TMEM44: variants seen among roughly 807,000 people sequenced by gnomAD.
TMEM44 encodes the protein transmembrane protein 44.
TMEM44 carries 43 observed loss-of-function variants against 47.8 expected under a neutral mutation model. The observed-to-expected ratio is 0.90, with a 90% CI of 0.70 to 1.16. TMEM44 has a LOEUF of 1.16. Ranked by LOEUF, TMEM44 falls within the 50% of genes most tolerant of loss-of-function variation. The pLI, the probability that TMEM44 is intolerant of heterozygous loss-of-function variation, is 0.00. For synonymous variants in TMEM44, 277 were observed against 238.8 expected (o/e 1.16, Z -1.48); for missense variants, 568 against 555.2 (o/e 1.02, Z -0.23).
chr3:194,630,807 G>A (rs1034620363), intron 1 of TMEM44, among the ~76,000 whole-genome samples: 2 of 147,642 alleles, frequency 1.4e-5, no homozygotes. Context: ...CTCCTGGAGG[G>A]GCTGGCTGTT....
chr3:194,629,748 TCGGCG>T (rs1560205064), intron 1 of TMEM44, among the ~76,000 whole-genome samples: 2 of 82,446 alleles, frequency 2.4e-5, no homozygotes, highest in Non-Finnish European at 4.6e-5. Flanking sequence ...GCTGTTTCCA[TCGGCG>T]TCACTGATAG....
chr3:194,594,623 GAA>G (rs564946122), intron 9 of TMEM44, among the ~76,000 whole-genome samples: 1 of 130,730 alleles, frequency 7.6e-6, no homozygotes. Context: ...AACATAAACT[GAA>G]AAAAAAAAAA....
intron 3 of TMEM44, 28 bp downstream of exon 3, chr3:194,625,869 A>C: frequency 6.3e-7 from 1 of 1,575,602 alleles, no homozygotes; most frequent in African/African-American, 1.3e-5. Context: ...GGGTGAATAA[A>C]GACAGGAAAA....
At chr3:194,589,507 G>A (rs943920254) in intron 9 of TMEM44, 11 of 152,160 alleles carry the variant, frequency 7.2e-5, no homozygotes, top group South Asian at 6.2e-4. Flanking sequence ...CAGAGCAAAC[G>A]TTCGCTCCTG....
chr3:194,592,011 G>A (rs908878969), intron 9 of TMEM44, among the ~76,000 whole-genome samples: 3 of 152,108 alleles, frequency 2.0e-5, no homozygotes, highest in South Asian at 4.1e-4. Context: ...GAGGTCAGGA[G>A]ATCGAGACCA....
chr3:194,629,261 A>G (rs757341169), intron 1 of TMEM44, among the ~76,000 whole-genome samples: 5 of 152,236 alleles, frequency 3.3e-5, no homozygotes, highest in African/African-American at 7.2e-5. Flanking sequence ...AATAAATTCA[A>G]ACGAAATTCT....
At chr3:194,630,066 A>T (rs1457316964) in intron 1 of TMEM44, among the ~76,000 whole-genome samples, 1 of 101,676 alleles carries the variant, frequency 9.8e-6, no homozygotes, top group African/African-American at 3.9e-5. Flanking sequence ...CTGAAATAAT[A>T]CGCTGTCGTA....
At chr3:194,598,845 G>A (rs949159845) in intron 9 of TMEM44, among the ~76,000 whole-genome samples, 1 of 152,148 alleles carries the variant, frequency 6.6e-6, no homozygotes, top group African/African-American at 2.4e-5. Context: ...CATAGATAAG[G>A]TAAACACGTC....
intron 9 of TMEM44, chr3:194,597,432 G>A (rs1441792118): frequency 1.3e-5 from 2 of 152,206 alleles, no homozygotes; most frequent in African/African-American, 2.4e-5. Flanking sequence ...GCTGAGGCAG[G>A]TGGATGACCT....
chr3:194,604,033 T>C (rs1226117246), intron 9 of TMEM44, among the ~76,000 whole-genome samples: 2 of 152,042 alleles, frequency 1.3e-5, no homozygotes. Flanking sequence ...TTTGTATTTT[T>C]AGTAGAGATA....
intron 8 of TMEM44, among the ~76,000 whole-genome samples, chr3:194,608,567 C>T (rs957119363): frequency 1.3e-5 from 2 of 152,150 alleles, no homozygotes; most frequent in African/African-American, 4.8e-5. Context: ...GGTCCTGCTT[C>T]GGACTGGGTG....
intron 9 of TMEM44, among the ~76,000 whole-genome samples, chr3:194,598,976 C>T (rs1009052075): frequency 1.7e-4 from 26 of 152,254 alleles, no homozygotes; most frequent in Admixed American, 1.2e-3. Context: ...AGACAGACAA[C>T]GGGAGGTGGC....
At chr3:194,601,750 G>A (rs529572031) in intron 9 of TMEM44, among the ~76,000 whole-genome samples, 95 of 152,186 alleles carry the variant, frequency 6.2e-4, no homozygotes, top group Non-Finnish European at 1.1e-3. Context: ...GTGCCTGGCC[G>A]GAATTTACAT....
rs1715269799 is a variant in TMEM44, at chr3:194,611,002, G to C, written c.931C>G (p.Leu311Val). The change falls in exon 8 of 10, where the codon CTC becomes GTC. Residue 311 changes from leucine to valine, a missense_variant. Coordinates refer to ENST00000347147, the MANE Select transcript of TMEM44 (RefSeq NM_001011655.3). The surrounding 1 kb of genome is among the most constrained non-coding windows in gnomAD (Gnocchi z 4.2). ...GACTTGCAGTGTGACAGTGTGGTGA[G>C]AGGCACCCAATCCAAATTCTTGCAA... is the stretch of plus-strand genomic sequence containing the variant. Reference protein sequence around the residue: ...ENQENLDWVPLTTLSHCKSLR... With the variant: ...ENQENLDWVPVTTLSHCKSLR... The C allele has an allele frequency of 1.2e-6, 2 of 1,613,936 alleles. No homozygotes were observed. The highest frequency in any genetic ancestry group is 2.2e-5 in the East Asian group (1 of 44,896).
At chr3:194,619,111 T>C (rs1716259102) in intron 5 of TMEM44, among the ~76,000 whole-genome samples, 2 of 152,254 alleles carry the variant, frequency 1.3e-5, no homozygotes, top group Admixed American at 1.3e-4. Context: ...GGGCTGGGCC[T>C]GGGCCTCCTG....
chr3:194,621,943 C>G (rs142163789), intron 5 of TMEM44, among the ~76,000 whole-genome samples: 3 of 152,226 alleles, frequency 2.0e-5, no homozygotes. Flanking sequence ...AACTCCTGAC[C>G]TCAGGTGATC....
At chr3:194,627,562 C>A (rs905722786) in intron 2 of TMEM44, among the ~76,000 whole-genome samples, 1 of 152,208 alleles carries the variant, frequency 6.6e-6, no homozygotes, top group Non-Finnish European at 1.5e-5. Flanking sequence ...GGTCAAAGCT[C>A]TAAATGACTA....
chr3:194,612,815 C>T (rs1193697893), intron 7 of TMEM44, among the ~76,000 whole-genome samples: 1 of 152,098 alleles, frequency 6.6e-6, no homozygotes, highest in Non-Finnish European at 1.5e-5. Flanking sequence ...CAGGCACCCG[C>T]CACCGCGCCC....
intron 1 of TMEM44, among the ~76,000 whole-genome samples, chr3:194,629,100 G>A (rs1002008591): frequency 6.6e-6 from 1 of 151,590 alleles, no homozygotes; most frequent in African/African-American, 2.4e-5. Flanking sequence ...GGAGGCAGAG[G>A]TTGCAGTGAG....
Sources: allele counts gnomAD v4.1 joint callset (sites outside exome capture counted in the v4.1 genomes callset), GRCh38; gene constraint gnomAD v4.1.1; non-coding constraint Gnocchi (gnomAD v3.1); transcripts MANE v1.5; gene names NCBI Gene and HGNC (gene_info 2026-07-23, HGNC 2026-07-21).